The following PAK1IP1 variants were observed in gnomAD, a reference collection of about 807,000 sequenced individuals.
PAK1IP1 encodes the protein PAK1 interacting protein 1.
A neutral mutation model predicts 42.0 loss-of-function variants in PAK1IP1; 24 were observed. The observed-to-expected ratio is 0.57, with a 90% CI of 0.41 to 0.80. PAK1IP1 has a LOEUF of 0.80. PAK1IP1 is among the 30% of genes least tolerant of loss of function. The pLI, the probability that PAK1IP1 is intolerant of heterozygous loss-of-function variation, is 0.00. For missense variants in PAK1IP1, 411 were observed against 467.9 expected (o/e 0.88, Z 1.12); for synonymous variants, 154 against 156.7 (o/e 0.98, Z 0.13).
At chr6:10,705,685 A>G (rs1360534673) in intron 7 of PAK1IP1, among the ~76,000 whole-genome samples, 1 of 152,194 alleles carries the variant, frequency 6.6e-6, no homozygotes, top group African/African-American at 2.4e-5. Context: ...TGGAGCTGAG[A>G]GCTGAACCCG....
chr6:10,700,507 A>G (rs995247205), intron 2 of PAK1IP1, among the ~76,000 whole-genome samples: 2 of 152,220 alleles, frequency 1.3e-5, no homozygotes, highest in African/African-American at 4.8e-5. Flanking sequence ...TTTGGGGGAC[A>G]CTTTCACACA....
Position 10,704,672 on chromosome 6 carries a change from T to C in PAK1IP1, c.642+20T>C, listed in dbSNP as rs1329629605. On this transcript the variant is annotated intron_variant, in intron 6 of 9. Transcript: ENST00000379568. Reference sequence around the variant, plus strand: ...CTTTCAGTAAGTAATCAGAAATCATTGACCAAAGTTTGTGGTGATGGTTGG... The same window carrying C: ...CTTTCAGTAAGTAATCAGAAATCATCGACCAAAGTTTGTGGTGATGGTTGG... 2.5e-6 allele frequency: 4 copies of C among 1,610,732 alleles called. No individual in the cohort carries two copies. Among genetic ancestry groups the C allele is most frequent in the Non-Finnish European group, 2.5e-6 (3 of 1,177,344 alleles).
At chr6:10,692,976 G>A (rs1201620164), upstream of PAK1IP1, among the ~76,000 whole-genome samples, 1 of 152,176 alleles carries the variant, frequency 6.6e-6, no homozygotes, top group South Asian at 2.1e-4. Flanking sequence ...CCTCTTCAAA[G>A]TTTCCCTTCT....
upstream of PAK1IP1, among the ~76,000 whole-genome samples, chr6:10,693,232 G>C (rs1468384859): frequency 6.6e-6 from 1 of 152,200 alleles, no homozygotes; most frequent in Non-Finnish European, 1.5e-5. Flanking sequence ...ACCCAAAGGC[G>C]TAAGGGACAA....
At chr6:10,702,747 C>T (rs1770068466) in intron 4 of PAK1IP1, 108 bp downstream of exon 4, 2 of 795,544 alleles carry the variant, frequency 2.5e-6, no homozygotes, top group Admixed American at 2.0e-5. Context: ...GCTGGTGAAC[C>T]TTTTCATAGT....
chr6:10,692,606 A>T (rs768853371), upstream of PAK1IP1, among the ~76,000 whole-genome samples: 9 of 152,186 alleles, frequency 5.9e-5, no homozygotes, highest in South Asian at 4.1e-4. Context: ...ACACCCAGCT[A>T]ATTTTTGTAT....
intron 2 of PAK1IP1, among the ~76,000 whole-genome samples, chr6:10,698,744 A>G (rs1389399521): frequency 6.6e-6 from 1 of 152,208 alleles, no homozygotes; most frequent in Non-Finnish European, 1.5e-5. Context: ...CTACGGATTG[A>G]GTAACATCAG....
intron 8 of PAK1IP1, 56 bp from the exon 9 acceptor site, chr6:10,708,897 A>G (rs928622650): frequency 1.4e-6 from 2 of 1,436,944 alleles, no homozygotes; most frequent in African/African-American, 1.4e-5. Flanking sequence ...TAACTTGATT[A>G]TGGAAAAAGA....
intron 7 of PAK1IP1, among the ~76,000 whole-genome samples, chr6:10,705,933 G>A (rs977400360): frequency 3.3e-5 from 5 of 152,034 alleles, no homozygotes; most frequent in Admixed American, 6.6e-5. Flanking sequence ...TTTCAAAGTC[G>A]CCCATTCCAG....
At chr6:10,702,695 TCCA>T (rs1393547323) in intron 4 of PAK1IP1, 56 bp downstream of exon 4, 2 of 1,216,814 alleles carry the variant, frequency 1.6e-6, no homozygotes, top group Non-Finnish European at 2.4e-6. Context: ...ACTACAGCTC[TCCA>T]CCATCTAAAA....
chr6:10,704,735 C>A lies in PAK1IP1; in HGVS notation c.643-12C>A. 6.2e-7 allele frequency: 1 copy of A among 1,606,414 alleles called. No homozygotes were observed. Among genetic ancestry groups the A allele is most frequent in the Non-Finnish European group, 8.5e-7 (1 of 1,173,100 alleles). On this transcript the variant is annotated splice_polypyrimidine_tract_variant and intron_variant, in intron 6 of 9. Transcript: ENST00000379568. ...CATTCTGGATGTTATTACTCTTTTT[C>A]CTCTCTCCTAGGAGTCTGTCCTTGC...
chr6:10,692,501 C>T (rs1009389469), upstream of PAK1IP1, among the ~76,000 whole-genome samples: 6 of 152,178 alleles, frequency 3.9e-5, no homozygotes, highest in Admixed American at 2.6e-4. Flanking sequence ...AGTGCAGTGG[C>T]GGGATCTCGG....
upstream of PAK1IP1, chr6:10,694,626 T>A: frequency 1.1e-5 from 2 of 184,066 alleles, no homozygotes; most frequent in African/African-American, 2.4e-5. Context: ...CGGCCCCACC[T>A]CCTCCTGATG....
Position 10,709,723 on chromosome 6 carries a change from AAAG to A in PAK1IP1, c.*273_*275del. The A allele has an allele frequency of 4.9e-6, 1 of 205,328 alleles. No individual in the cohort carries two copies. The highest frequency in any genetic ancestry group is 1.7e-3 in the Middle Eastern group (1 of 586). 12.7% of individuals were successfully genotyped at this position (205,328 alleles called of 1,614,324 possible). Reference sequence around the variant, plus strand: ...AATTTTTACTTTGTACAAAGCAAATAAAGATCTTTCTCAAAATATACTGTAAAA... The same window carrying A: ...AATTTTTACTTTGTACAAAGCAAATAATCTTTCTCAAAATATACTGTAAAA... On this transcript the variant is annotated 3_prime_UTR_variant, in exon 10 of 10. Coordinates refer to ENST00000379568, the MANE Select transcript of PAK1IP1 (RefSeq NM_017906.3).
chr6:10,708,821 G>A, intron 8 of PAK1IP1, 132 bp from the exon 9 acceptor site: 2 of 736,328 alleles, frequency 2.7e-6, no homozygotes, highest in Non-Finnish European at 2.2e-6. Context: ...CATGAGTGAA[G>A]ATTATATGTT....
chr6:10,708,309 C>T (rs1045983366), intron 8 of PAK1IP1, among the ~76,000 whole-genome samples: 4 of 134,396 alleles, frequency 3.0e-5, no homozygotes, highest in African/African-American at 4.1e-5. Flanking sequence ...TTGTGACGGG[C>T]GTTTTTCACT....
chr6:10,698,439 G>A (rs1769924778), intron 2 of PAK1IP1, among the ~76,000 whole-genome samples: 1 of 152,222 alleles, frequency 6.6e-6, no homozygotes, highest in Non-Finnish European at 1.5e-5. Flanking sequence ...ACTAGAACTT[G>A]AACCTGGGCC....
chr6:10,703,549 G>A, intron 5 of PAK1IP1, 92 bp downstream of exon 5: 1 of 825,550 alleles, frequency 1.2e-6, no homozygotes, highest in Non-Finnish European at 2.0e-6. Context: ...CACTGATGTG[G>A]TGCCTCAAGT....
At chr6:10,692,674 C>A (rs1019847865), upstream of PAK1IP1, among the ~76,000 whole-genome samples, 5 of 152,062 alleles carry the variant, frequency 3.3e-5, no homozygotes, top group African/African-American at 1.2e-4. Flanking sequence ...CTCTTGATCT[C>A]GTCAAAGTGC....
Sources: gnomAD v4.1 joint callset for allele counts (sites outside exome capture counted in the v4.1 genomes callset) on GRCh38, gnomAD v4.1.1 for gene constraint, MANE v1.5 for transcripts, NCBI Gene and HGNC (gene_info 2026-07-23, HGNC 2026-07-21) for gene names.